The following TVP23C variants were observed in gnomAD, a reference collection of about 807,000 sequenced individuals.
TVP23C encodes trans-golgi network vesicle protein 23 homolog C, also known as Golgi apparatus membrane protein TVP23 homolog C.
TVP23C carries 19 observed loss-of-function variants against 28.7 expected under a neutral mutation model. The observed-to-expected ratio is 0.66, with a 90% CI of 0.46 to 0.97. The LOEUF is 0.97. Among genes scored for constraint, TVP23C ranks in the 50% least tolerant of loss-of-function variants. The probability of loss-of-function intolerance (pLI) is 0.00; values close to 1 mark genes in which losing one functional copy is unlikely to be tolerated. For synonymous variants in TVP23C, 68 were observed against 81.7 expected (o/e 0.83, Z 0.90); for missense variants, 186 against 241.3 (o/e 0.77, Z 1.52).
At chr17:15,511,053 CAAA>C (rs58794054) in intron 5 of TVP23C, among the ~76,000 whole-genome samples, 30 of 83,414 alleles carry the variant, frequency 3.6e-4, no homozygotes, top group African/African-American at 9.9e-4. Flanking sequence ...GACTTCGTCT[CAAA>C]AAAAAAAAAA....
chr17:15,553,606 A>G (rs1450425244), intron 3 of TVP23C, 79 bp downstream of exon 3: 30 of 1,524,476 alleles, frequency 2.0e-5, no homozygotes. Flanking sequence ...AAGATTAACA[A>G]TAATGCAAAA....
intron 5 of TVP23C, among the ~76,000 whole-genome samples, chr17:15,510,747 T>C (rs1006100446): frequency 6.6e-6 from 1 of 152,202 alleles, no homozygotes; most frequent in Admixed American, 6.5e-5. Context: ...CAGTTATCAC[T>C]GGCCCTTTTT....
intron 5 of TVP23C, among the ~76,000 whole-genome samples, chr17:15,543,282 G>A (rs1983499413): frequency 6.7e-6 from 1 of 149,736 alleles, no homozygotes; most frequent in Non-Finnish European, 1.5e-5. Flanking sequence ...GGTCAAGGGG[G>A]ATTCACCCGC....
At chr17:15,528,817 C>T (rs1287151597) in intron 5 of TVP23C, among the ~76,000 whole-genome samples, 2 of 151,050 alleles carry the variant, frequency 1.3e-5, no homozygotes, top group Non-Finnish European at 2.9e-5. Context: ...AGGCTGGTCT[C>T]GAACTCCTGA....
chr17:15,520,895 C>T (rs1021721149), intron 5 of TVP23C, among the ~76,000 whole-genome samples: 1 of 151,340 alleles, frequency 6.6e-6, no homozygotes, highest in African/African-American at 2.4e-5. Flanking sequence ...AATATCTACA[C>T]AAAAATCCTA....
chr17:15,555,385 T>C, intron 1 of TVP23C, 21 bp from the exon 2 acceptor site: 1 of 1,613,794 alleles, frequency 6.2e-7, no homozygotes, highest in East Asian at 2.2e-5. Context: ...AAATAAATGG[T>C]CAAGAAGCAA....
chr17:15,562,551 T>C (rs1984446441), intron 1 of TVP23C: 2 of 152,036 alleles, frequency 1.3e-5, no homozygotes. Flanking sequence ...TCGGGACACC[T>C]TTCCTGTAAT....
At chr17:15,510,569 A>C (rs1981956445) in intron 5 of TVP23C, among the ~76,000 whole-genome samples, 1 of 152,208 alleles carries the variant, frequency 6.6e-6, no homozygotes, top group African/African-American at 2.4e-5. Context: ...CCTTAGTCAT[A>C]GTTCCAACTC....
At chr17:15,554,527 G>GC in intron 2 of TVP23C, among the ~76,000 whole-genome samples, 1 of 152,278 alleles carries the variant, frequency 6.6e-6, no homozygotes, top group South Asian at 2.1e-4. Context: ...GTGAGCCATC[G>GC]CGCCCAGCCT....
intron 2 of TVP23C, among the ~76,000 whole-genome samples, chr17:15,554,298 C>CACAA (rs1984031235): frequency 7.3e-6 from 1 of 137,816 alleles, no homozygotes; most frequent in African/African-American, 2.7e-5. Context: ...AGTTTGGTGG[C>CACAA]GCAATCTCGG....
At chr17:15,514,565 TAAG>T (rs1303908611) in intron 5 of TVP23C, among the ~76,000 whole-genome samples, 3 of 152,002 alleles carry the variant, frequency 2.0e-5, no homozygotes, top group Admixed American at 6.6e-5. Context: ...AAAATGGAAA[TAAG>T]GAGCACAAAA....
chr17:15,506,800 C>T (rs1981770324), intron 5 of TVP23C: 4 of 515,468 alleles, frequency 7.8e-6, no homozygotes, highest in South Asian at 1.7e-5. Context: ...ACACTCACCG[C>T]GAGGGTCCGC....
downstream of TVP23C, among the ~76,000 whole-genome samples, chr17:15,533,994 T>C (rs1216536600): frequency 6.6e-6 from 1 of 152,232 alleles, no homozygotes; most frequent in Non-Finnish European, 1.5e-5. Context: ...TTAATTTTTG[T>C]CTTCCTCCAC....
At position 15,537,931 on chromosome 17, in the gene TVP23C, T is replaced by G. The variant is rs1983225217; in HGVS notation, c.*2481A>C. 2 of 1,444,052 alleles carry G rather than the reference T, an allele frequency of 1.4e-6. No individual in the cohort carries two copies. Among genetic ancestry groups the G allele is most frequent in the Non-Finnish European group, 1.8e-6 (2 of 1,100,652 alleles). 89.5% of individuals were successfully genotyped at this position (1,444,052 alleles called of 1,614,324 possible). On this transcript the variant is annotated 3_prime_UTR_variant, in exon 6 of 6. Coordinates refer to ENST00000518321, the MANE Select transcript of TVP23C (RefSeq NM_001135036.2). The stretch of plus-strand genomic sequence containing the variant: ...TAACAATGTTTCTAGTGCCAACATA[T>G]ACTTTCTAGCCCCAACTGCTGGAAA...
At chr17:15,563,251 C>T in intron 1 of TVP23C, 186 bp downstream of exon 1, 1 of 1,146,498 alleles carries the variant, frequency 8.7e-7, no homozygotes, top group Admixed American at 2.8e-5. Context: ...GGTCACGCCT[C>T]CCCCAGCGGC....
At chr17:15,551,194 GC>G (rs1401691965) in intron 3 of TVP23C, among the ~76,000 whole-genome samples, 3 of 150,862 alleles carry the variant, frequency 2.0e-5, no homozygotes, top group South Asian at 4.2e-4. Flanking sequence ...TCGGCTCACT[GC>G]CAAGCTCCGC....
intron 5 of TVP23C, among the ~76,000 whole-genome samples, chr17:15,522,743 A>G (rs1485792811): frequency 2.0e-5 from 3 of 152,216 alleles, no homozygotes; most frequent in Admixed American, 6.5e-5. Context: ...AAAAACTTAT[A>G]TAAGTCAAAA....
rs564138745 is a variant in TVP23C, at chr17:15,538,519, G to A, written c.*1893C>T. The A allele has an allele frequency of 4.9e-6, 4 of 822,622 alleles. No individual in the cohort carries two copies. The South Asian group carries it at 2.2e-4, about 45-fold the overall frequency. The allele number at this position is 822,622 out of a possible 1,614,324, so 51.0% of individuals were successfully genotyped here. On this transcript the variant is annotated 3_prime_UTR_variant, in exon 6 of 6. Transcript: ENST00000518321. The stretch of plus-strand genomic sequence containing the variant: ...GCAGAAGAATAGTATGAACCCGGGA[G>A]GTGGAGTTTGCAGTGAGCCGAGATC...
chr17:15,535,989 C>T (rs192888391), downstream of TVP23C, among the ~76,000 whole-genome samples: 2 of 152,140 alleles, frequency 1.3e-5, no homozygotes, highest in African/African-American at 2.4e-5. Flanking sequence ...GTCAGGAATT[C>T]GAGACTAGCC....
Sources: gnomAD v4.1 joint callset for allele counts (sites outside exome capture counted in the v4.1 genomes callset) on GRCh38, gnomAD v4.1.1 for gene constraint, MANE v1.5 for transcripts, NCBI Gene and HGNC (gene_info 2026-07-23, HGNC 2026-07-21) for gene names.